ABCF1: variants seen among roughly 807,000 people sequenced by gnomAD.
ABCF1 encodes ATP binding cassette subfamily F member 1, also known as ATP-binding cassette sub-family F member 1.
In ABCF1, 73 loss-of-function variants were observed where a neutral mutation model predicts 126.3. The ratio of observed to expected loss-of-function variants is 0.58; its 90% CI spans 0.48 to 0.70. The LOEUF (loss-of-function observed/expected upper bound fraction) is 0.70, where lower values mean the gene tolerates loss of function less well. Ranked by LOEUF, ABCF1 falls within the 30% of genes least tolerant of loss-of-function variation. ABCF1 has a pLI of 0.00. For synonymous variants in ABCF1, 345 were observed against 396.4 expected (o/e 0.87, Z 1.54); for missense variants, 786 against 1,057.5 (o/e 0.74, Z 3.56).
chr6:30,583,322 A>G lies in ABCF1; in HGVS notation c.915+134A>G. ...AGATTGGAGGCATTTTCCACACCTTAGGTTCTGCCAACTTGAGCAAGAAGA... is the reference window on the plus strand; with the variant it reads ...AGATTGGAGGCATTTTCCACACCTTGGGTTCTGCCAACTTGAGCAAGAAGA... On this transcript the variant is annotated intron_variant, in intron 10 of 24. Transcript: ENST00000326195. This position sits in a 1 kb window ranked among gnomAD's most constrained non-coding sequence, Gnocchi z 4.1. The G allele has an allele frequency of 3.1e-6, 4 of 1,287,102 alleles. No individual in the cohort carries two copies. The East Asian group carries it at 9.4e-5, about 30-fold the overall frequency. The allele number at this position is 1,287,102 out of a possible 1,614,324, so 79.7% of individuals were successfully genotyped here.
At chr6:30,575,579 A>G (rs1326765680) in intron 1 of ABCF1, among the ~76,000 whole-genome samples, 1 of 151,928 alleles carries the variant, frequency 6.6e-6, no homozygotes, top group African/African-American at 2.4e-5. Context: ...AATCTGTTGA[A>G]TCTGTTTTGG....
At position 30,584,088 on chromosome 6, in the gene ABCF1, A is replaced by G; in HGVS notation, c.1103-104A>G. 4 of 1,502,218 alleles carry G rather than the reference A, an allele frequency of 2.7e-6. No individual in the cohort carries two copies. Among genetic ancestry groups the G allele is most frequent in the Non-Finnish European group, 3.6e-6 (4 of 1,116,238 alleles). 93.1% of individuals were successfully genotyped at this position (1,502,218 alleles called of 1,614,324 possible). On this transcript the variant is annotated intron_variant, in intron 12 of 24. Coordinates refer to ENST00000326195, the MANE Select transcript of ABCF1 (RefSeq NM_001025091.2). This position sits in a 1 kb window ranked among gnomAD's most constrained non-coding sequence, Gnocchi z 4.6. Reference sequence around the variant, plus strand: ...GAGTGTTTTATTTGGAACAAGTACAAAGAGCTGGGCAGGGTCAGGCAAAAC... The same window carrying G: ...GAGTGTTTTATTTGGAACAAGTACAGAGAGCTGGGCAGGGTCAGGCAAAAC...
chr6:30,588,508 C>T (rs1217297657), intron 20 of ABCF1, among the ~76,000 whole-genome samples: 4 of 151,934 alleles, frequency 2.6e-5, no homozygotes, highest in African/African-American at 7.3e-5. Context: ...ACAACAGGCG[C>T]GTGCTACCAC....
rs768100942 is a variant in ABCF1, at chr6:30,590,726, A to C, written c.*25A>C. 6 of 1,587,968 alleles carry C rather than the reference A, an allele frequency of 3.8e-6. No individual in the cohort carries two copies. Among genetic ancestry groups the C allele is most frequent in the Non-Finnish European group, 5.1e-6 (6 of 1,167,600 alleles). Reference sequence around the variant, plus strand: ...AGCTTTCCTTCCCAGAAGTCTCCCGAGAGACATATTTGTGTGGCCTAGAAG... The same window carrying C: ...AGCTTTCCTTCCCAGAAGTCTCCCGCGAGACATATTTGTGTGGCCTAGAAG... On this transcript the variant is annotated 3_prime_UTR_variant, in exon 25 of 25. Coordinates refer to ENST00000326195, the MANE Select transcript of ABCF1 (RefSeq NM_001025091.2).
In ABCF1 at chr6:30,586,748, T is replaced by C. The variant is rs1254318711; in HGVS notation, c.2031+37T>C. ...AGCCAAGGAGGGAGAGCATGAGAAA[T>C]GTGAAGACACAGCTGCTTTTGCCAG... is the stretch of plus-strand genomic sequence containing the variant. On this transcript the variant is annotated intron_variant, in intron 20 of 24. Transcript: ENST00000326195. This position sits in a 1 kb window ranked among gnomAD's most constrained non-coding sequence, Gnocchi z 4.9. 3.7e-6 allele frequency: 6 copies of C among 1,608,540 alleles called. No individual in the cohort carries two copies. In the South Asian group the frequency reaches 4.4e-5, roughly 12 times the overall value.
intron 20 of ABCF1, among the ~76,000 whole-genome samples, chr6:30,588,711 G>C: frequency 6.6e-6 from 1 of 151,962 alleles, no homozygotes; most frequent in East Asian, 1.9e-4. Flanking sequence ...TAGTGTGTTA[G>C]AAAGTTTGTA....
chr6:30,582,532 A>G, intron 9 of ABCF1, 25 bp downstream of exon 9: 1 of 1,610,598 alleles, frequency 6.2e-7, no homozygotes, highest in Non-Finnish European at 8.5e-7. Flanking sequence ...CTTAGCGGTC[A>G]AAAGTAGGGG....
At chr6:30,573,220 A>T (rs1801344076) in intron 1 of ABCF1, among the ~76,000 whole-genome samples, 1 of 152,182 alleles carries the variant, frequency 6.6e-6, no homozygotes, top group Non-Finnish European at 1.5e-5. Context: ...CATTGATCGG[A>T]ACTGAGAACT....
In ABCF1 at chr6:30,583,973, TG is replaced by T. The variant is rs1801969716; in HGVS notation, c.1102+85del. The T allele has an allele frequency of 1.3e-6, 2 of 1,526,476 alleles. No homozygotes were observed. The highest frequency in any genetic ancestry group is 2.7e-5 in the African/African-American group (2 of 72,786). The allele number at this position is 1,526,476 out of a possible 1,614,324, so 94.6% of individuals were successfully genotyped here. On this transcript the variant is annotated intron_variant, in intron 12 of 24. Coordinates refer to ENST00000326195, the MANE Select transcript of ABCF1 (RefSeq NM_001025091.2). This position sits in a 1 kb window ranked among gnomAD's most constrained non-coding sequence, Gnocchi z 4.1. ...AGCCAGCCAAGAATAGAAGAAATTG[TG>T]GCTATGGAGTTGGAAGGGATGTGGA... is the stretch of plus-strand genomic sequence containing the variant.
chr6:30,584,045 G>A lies in ABCF1; in HGVS notation c.1103-147G>A, dbSNP rs555237617. 6 of 1,391,760 alleles carry A rather than the reference G, an allele frequency of 4.3e-6. No individual in the cohort carries two copies. The Admixed American group carries it at 1.3e-4, about 31-fold the overall frequency. 86.2% of individuals were successfully genotyped at this position (1,391,760 alleles called of 1,614,324 possible). A position where few individuals can be genotyped will look rare whatever the true frequency, so the allele number is the denominator to read the frequency against. ...AGGGATGCTAAGGAAAGGAGGGGAG[G>A]GTCAATGAGGAACTTGAGAGTGTTT... On this transcript the variant is annotated intron_variant, in intron 12 of 24. Transcript: ENST00000326195. The surrounding 1 kb of genome is among the most constrained non-coding windows in gnomAD (Gnocchi z 4.6).
At chr6:30,579,184 CCACT>C (rs1801673156) in intron 6 of ABCF1, among the ~76,000 whole-genome samples, 1 of 152,112 alleles carries the variant, frequency 6.6e-6, no homozygotes, top group African/African-American at 2.4e-5. Flanking sequence ...AGTGCTAGTG[CCACT>C]CACTCTGGTG....
In ABCF1 at chr6:30,590,804, G is replaced by A; in HGVS notation, c.*103G>A. 1 of 1,341,046 alleles carries A rather than the reference G, an allele frequency of 7.5e-7. No homozygotes were observed. Among genetic ancestry groups the A allele is most frequent in the Non-Finnish European group, 1.0e-6 (1 of 984,622 alleles). The allele number at this position is 1,341,046 out of a possible 1,614,324, so 83.1% of individuals were successfully genotyped here. ...ACTGCCTCTGGCCTGCAGCTGACCT[G>A]GCAACCATTCAGGCACATGAAGGTG... On this transcript the variant is annotated 3_prime_UTR_variant, in exon 25 of 25. Transcript: ENST00000326195.
Position 30,571,455 on chromosome 6 carries a change from G to A in ABCF1, c.-33G>A, listed in dbSNP as rs370826042. The A allele has an allele frequency of 2.2e-5, 35 of 1,592,852 alleles. No individual in the cohort carries two copies. In the African/African-American group the frequency reaches 4.2e-4, roughly 19 times the overall value. ...GCCGCCGGAAGCGGAAATAGCACCGGGCGCCGCCACAGTAGCTGTAACTGC... is the reference window on the plus strand; with the variant it reads ...GCCGCCGGAAGCGGAAATAGCACCGAGCGCCGCCACAGTAGCTGTAACTGC... On this transcript the variant is annotated 5_prime_UTR_variant, in exon 1 of 25. Coordinates refer to ENST00000326195, the MANE Select transcript of ABCF1 (RefSeq NM_001025091.2).
chr6:30,586,437 G>T lies in ABCF1; in HGVS notation c.1886-37G>T. On this transcript the variant is annotated intron_variant, in intron 18 of 24. Transcript: ENST00000326195. The surrounding 1 kb of genome is among the most constrained non-coding windows in gnomAD (Gnocchi z 4.9). ...ACATGAGAGGGACTTTGCAGGGACT[G>T]AAAAGAATATAAATTGCTTCTTTTC... 6.2e-7 allele frequency: 1 copy of T among 1,613,248 alleles called. No homozygotes were observed. The highest frequency in any genetic ancestry group is 8.5e-7 in the Non-Finnish European group (1 of 1,179,256).
chr6:30,586,300 T>C lies in ABCF1; in HGVS notation c.1880T>C (p.Leu627Pro), dbSNP rs777281208. ...CCACTCAGCCCTCCAGTGCTGGGTCTGCATGGTGAGTGCCGCGGGCCTCTG... is the reference window on the plus strand; with the variant it reads ...CCACTCAGCCCTCCAGTGCTGGGTCCGCATGGTGAGTGCCGCGGGCCTCTG... Reference protein sequence around the residue: ...PPPLSPPVLGLHGVTFGYQGQ... With the variant: ...PPPLSPPVLGPHGVTFGYQGQ... Residue 627 changes from leucine (L) to proline (P), a missense_variant, in exon 18 of 25, where the codon CTG becomes CCG. Leu to Pro is a moderately conservative substitution (Grantham distance 98). Coordinates refer to ENST00000326195, the MANE Select transcript of ABCF1 (RefSeq NM_001025091.2). This position sits in a 1 kb window ranked among gnomAD's most constrained non-coding sequence, Gnocchi z 4.9. 3.7e-6 allele frequency: 6 copies of C among 1,606,696 alleles called. No homozygotes were observed. In the South Asian group the frequency reaches 5.5e-5, roughly 15 times the overall value.
chr6:30,588,518 C>T (rs955007086), intron 20 of ABCF1, among the ~76,000 whole-genome samples: 1 of 152,002 alleles, frequency 6.6e-6, no homozygotes, highest in African/African-American at 2.4e-5. Flanking sequence ...CGTGCTACCA[C>T]GCCCAGCTAA....
chr6:30,590,140 T>A lies in ABCF1; in HGVS notation c.2234-9T>A. 1 of 1,612,996 alleles carries A rather than the reference T, an allele frequency of 6.2e-7. No homozygotes were observed. Among genetic ancestry groups the A allele is most frequent in the Non-Finnish European group, 8.5e-7 (1 of 1,180,004 alleles). On this transcript the variant is annotated splice_polypyrimidine_tract_variant and intron_variant, in intron 22 of 24. Transcript: ENST00000326195. ...TAGGTGTGACAGCCCTCCCCTTCCT[T>A]TGCTACAGGTGGTCAGAAGGCGCGA...
chr6:30,586,052 AAGG>A lies in ABCF1; in HGVS notation c.1713+64_1713+66del, dbSNP rs1802103863. On this transcript the variant is annotated intron_variant, in intron 17 of 24. Coordinates refer to ENST00000326195, the MANE Select transcript of ABCF1 (RefSeq NM_001025091.2). This position sits in a 1 kb window ranked among gnomAD's most constrained non-coding sequence, Gnocchi z 4.9. ...TGTTCTCTCCTGGCAGTGGAGGAAG[AAGG>A]AGACTCTGGAACGCTGGCCTACATT... The A allele has an allele frequency of 3.8e-6, 6 of 1,591,288 alleles. No homozygotes were observed. The South Asian group carries it at 6.8e-5, about 18-fold the overall frequency.
chr6:30,585,233 C>G (rs369374728), intron 14 of ABCF1, 27 bp from the exon 15 acceptor site: 1 of 1,601,282 alleles, frequency 6.2e-7, no homozygotes. Context: ...CTCTCCCTGA[C>G]CCTGCCCTCT....
Sources: allele counts gnomAD v4.1 joint callset (sites outside exome capture counted in the v4.1 genomes callset), GRCh38; gene constraint gnomAD v4.1.1; non-coding constraint Gnocchi (gnomAD v3.1); transcripts MANE v1.5; gene names NCBI Gene and HGNC (gene_info 2026-07-23, HGNC 2026-07-21).